Variants in MARK3 observed in about 807,000 individuals in gnomAD.
MARK3 encodes microtubule affinity regulating kinase 3, also known as MAP/microtubule affinity-regulating kinase 3.
A neutral mutation model predicts 90.1 loss-of-function variants in MARK3; 46 were observed. The ratio of observed to expected loss-of-function variants is 0.51; its 90% CI spans 0.40 to 0.65. The LOEUF is 0.65. Ranked by LOEUF, MARK3 falls within the 30% of genes least tolerant of loss-of-function variation. MARK3 has a pLI of 0.00. For synonymous variants in MARK3, 321 were observed against 332.6 expected, an observed-to-expected ratio of 0.97 and a Z score of 0.38; for missense variants, 818 against 947.2, an observed-to-expected ratio of 0.86 and a Z score of 1.79.
chr14:103,430,863 A>G (rs1395014855), intron 3 of MARK3, among the ~76,000 whole-genome samples: 1 of 151,938 alleles, frequency 6.6e-6, no homozygotes, highest in Non-Finnish European at 1.5e-5. Context: ...TGAGAGATTT[A>G]TTTTTCTCCA....
chr14:103,387,695 G>T (rs2089920107), intron 1 of MARK3, among the ~76,000 whole-genome samples: 1 of 151,704 alleles, frequency 6.6e-6, no homozygotes, highest in Non-Finnish European at 1.5e-5. Flanking sequence ...GTTTCACCAT[G>T]TTGGCCAGGC....
chr14:103,429,893 A>G (rs1319370061), intron 3 of MARK3, among the ~76,000 whole-genome samples: 2 of 152,178 alleles, frequency 1.3e-5, no homozygotes, highest in Non-Finnish European at 2.9e-5. Context: ...TAATCCTAAC[A>G]GTTTTCCCGG....
chr14:103,442,167 G>C (rs1255817075), intron 3 of MARK3, among the ~76,000 whole-genome samples: 1 of 152,080 alleles, frequency 6.6e-6, no homozygotes, highest in African/African-American at 2.4e-5. Flanking sequence ...AGGAGATTGA[G>C]ACCATCCTGG....
intron 7 of MARK3, among the ~76,000 whole-genome samples, chr14:103,463,949 T>C (rs1182397738): frequency 7.2e-5 from 11 of 152,226 alleles, no homozygotes; most frequent in Admixed American, 7.2e-4. Context: ...TGAAACATAC[T>C]GTGTCTCACA....
chr14:103,482,554 T>C (rs1464647065), intron 14 of MARK3, among the ~76,000 whole-genome samples: 1 of 152,040 alleles, frequency 6.6e-6, no homozygotes, highest in East Asian at 1.9e-4. Context: ...CCTTTACTAC[T>C]TCTAAATTCT....
intron 2 of MARK3, among the ~76,000 whole-genome samples, chr14:103,414,202 C>G (rs867323261): frequency 7.7e-5 from 10 of 130,326 alleles, no homozygotes; most frequent in Admixed American, 7.7e-5. Flanking sequence ...CTTTTCTTTT[C>G]TTTCTTTTTT....
chr14:103,470,442 A>C (rs2093602939), intron 12 of MARK3, among the ~76,000 whole-genome samples: 1 of 81,170 alleles, frequency 1.2e-5, no homozygotes, highest in Non-Finnish European at 3.2e-5. Context: ...TCCAGGATTC[A>C]GGAACTAAAT....
rs1398790678 is a variant in MARK3 at position 103,431,975 on chromosome 14, T to TCC, written c.297+3535_297+3536insCC. On this transcript the variant is annotated intron_variant, in intron 3 of 17. Coordinates refer to ENST00000429436, the MANE Select transcript of MARK3 (RefSeq NM_001128918.3). ...TACTTTATTCCATACTTGGAATTGT[T>TCC]TCCCCCCTCCCACCTGAATTTGTTT... is the stretch of plus-strand genomic sequence containing the variant. Among the ~76,000 whole-genome samples the TCC allele has an allele frequency of 4.3e-4, 60 of 139,790 alleles. 1 individual carries two copies. Among genetic ancestry groups the TCC allele is most frequent in the African/African-American group, 1.8e-3 (58 of 31,944 alleles). 91.7% of individuals were successfully genotyped at this position (139,790 alleles called of 152,430 possible).
intron 6 of MARK3, among the ~76,000 whole-genome samples, chr14:103,458,400 A>T (rs1179045388): frequency 7.4e-6 from 1 of 134,688 alleles, no homozygotes; most frequent in African/African-American, 2.7e-5. Flanking sequence ...CGGAAATTGT[A>T]GTGAGCCAAG....
intron 16 of MARK3, chr14:103,499,735 CT>C (rs2075548873): frequency 6.3e-6 from 1 of 159,712 alleles, no homozygotes; most frequent in Non-Finnish European, 1.4e-5. Flanking sequence ...AGCTGATAGC[CT>C]CATTGGCTTT....
chr14:103,409,545 A>T (rs912934288), intron 2 of MARK3, among the ~76,000 whole-genome samples: 2 of 151,746 alleles, frequency 1.3e-5, no homozygotes, highest in East Asian at 3.9e-4. Flanking sequence ...AAATGTAAAC[A>T]TTATAGAAAT....
chr14:103,493,961 G>A (rs55930273), intron 15 of MARK3, among the ~76,000 whole-genome samples: 43,335 of 150,524 alleles, frequency 0.29, 7,285 homozygotes, highest in Non-Finnish European at 0.36. Flanking sequence ...GGGCTGGGCC[G>A]GATGGCTCAT....
Position 103,491,825 on chromosome 14 carries a change from T to C in MARK3, c.1635T>C (p.Ser545=). 1 of 1,614,180 alleles carries C rather than the reference T, an allele frequency of 6.2e-7. No individual in the cohort carries two copies. ...RTPVASTHSI[S]SAATPDRIRF... ...CAGTTGCTTCAACACACAGTATCAGTAGTGCAGCCACCCCAGATCGAATCC... is the reference window on the plus strand; with the variant it reads ...CAGTTGCTTCAACACACAGTATCAGCAGTGCAGCCACCCCAGATCGAATCC... The change falls in exon 15 of 18, where the codon AGT becomes AGC. Residue 545 remains serine (S), a synonymous_variant. Transcript: ENST00000429436.
intron 2 of MARK3, among the ~76,000 whole-genome samples, chr14:103,411,070 C>G (rs974685144): frequency 3.3e-5 from 5 of 152,260 alleles, no homozygotes; most frequent in Admixed American, 1.3e-4. Flanking sequence ...GTCAGGAGAT[C>G]GAGACCATCC....
At position 103,484,955 on chromosome 14, in the gene MARK3, C is replaced by T. The variant is rs145263926; in HGVS notation, c.1586+4465C>T. 2.7e-3 allele frequency among the ~76,000 whole-genome samples: 406 copies of T among 150,616 alleles called. 3 individuals are homozygous for T. The highest frequency in any genetic ancestry group is 9.5e-3 in the African/African-American group (390 of 40,950). Reference sequence around the variant, plus strand: ...AAAAAGGGCTGAGCACAGTGGCTTACGCCTGTAATCCCAGCACTTTGCGAA... The same window carrying T: ...AAAAAGGGCTGAGCACAGTGGCTTATGCCTGTAATCCCAGCACTTTGCGAA... On this transcript the variant is annotated intron_variant, in intron 14 of 17. Transcript: ENST00000429436.
At chr14:103,485,920 A>G (rs2093920406) in intron 14 of MARK3, among the ~76,000 whole-genome samples, 1 of 152,128 alleles carries the variant, frequency 6.6e-6, no homozygotes, top group African/African-American at 2.4e-5. Flanking sequence ...TGAATACAAA[A>G]CAGTTGGGAA....
Position 103,503,423 on chromosome 14 carries a change from A to G in MARK3, c.*196A>G, listed in dbSNP as rs1487989498. On this transcript the variant is annotated 3_prime_UTR_variant, in exon 18 of 18. Coordinates refer to ENST00000429436, the MANE Select transcript of MARK3 (RefSeq NM_001128918.3). ...GCACTACATTAAAGATGTGCAACCT[A>G]TGCGCCCCCTGCCCTACTTCCGTTA... 20 of 580,066 alleles carry G rather than the reference A, an allele frequency of 3.4e-5. No homozygotes were observed. Among genetic ancestry groups the G allele is most frequent in the African/African-American group, 3.7e-5 (2 of 53,364 alleles). 35.9% of individuals were successfully genotyped at this position (580,066 alleles called of 1,614,324 possible).
At chr14:103,496,142 G>A (rs556628993) in intron 15 of MARK3, among the ~76,000 whole-genome samples, 7 of 152,254 alleles carry the variant, frequency 4.6e-5, no homozygotes, top group Non-Finnish European at 1.0e-4. Context: ...TCTGCCCTCA[G>A]GTTGATCCAT....
chr14:103,417,968 C>T lies in MARK3; in HGVS notation c.244-10419C>T, dbSNP rs141916634. ...CCTGTAATCCCAGCTACTCAGGAGG[C>T]TGAGGCAGGAAAATCTCTTGAACCC... On this transcript the variant is annotated intron_variant, in intron 2 of 17. Transcript: ENST00000429436. Among the ~76,000 whole-genome samples, 48 of 152,220 alleles carry T rather than the reference C, an allele frequency of 3.2e-4. 1 individual carries two copies. In the East Asian group the frequency reaches 9.3e-3, roughly 29 times the overall value.
Sources: gnomAD v4.1 joint callset for allele counts (sites outside exome capture counted in the v4.1 genomes callset) on GRCh38, gnomAD v4.1.1 for gene constraint, MANE v1.5 for transcripts, NCBI Gene and HGNC (gene_info 2026-07-23, HGNC 2026-07-21) for gene names.